The following NPR3 variants were observed in gnomAD, a reference collection of about 807,000 sequenced individuals.
NPR3 encodes atrial natriuretic peptide receptor 3.
NPR3 carries 34 observed loss-of-function variants against 54.5 expected under a neutral mutation model. That is an observed-to-expected ratio of 0.62 (90% CI 0.47 to 0.83). The LOEUF (loss-of-function observed/expected upper bound fraction) is 0.83, where lower values mean the gene tolerates loss of function less well. Ranked by LOEUF, NPR3 falls within the 40% of genes least tolerant of loss-of-function variation. The pLI is 0.00. For missense variants in NPR3, 674 were observed against 720.8 expected (o/e 0.94, Z 0.74); for synonymous variants, 289 against 297.1 (o/e 0.97, Z 0.28).
chr5:32,767,971 C>T (rs1435924960), intron 3 of NPR3, among the ~76,000 whole-genome samples: 1 of 152,172 alleles, frequency 6.6e-6, no homozygotes, highest in Non-Finnish European at 1.5e-5. Flanking sequence ...CTTTCCCTGC[C>T]TCCACCTCCG....
chr5:32,767,621 A>G (rs7730564), intron 3 of NPR3, among the ~76,000 whole-genome samples: 46,965 of 152,014 alleles, frequency 0.31, 7,822 homozygotes, highest in African/African-American at 0.44. Context: ...GGGAAACTCT[A>G]AATTAAGAAT....
At chr5:32,780,393 G>A (rs913899455) in intron 4 of NPR3, among the ~76,000 whole-genome samples, 1 of 152,028 alleles carries the variant, frequency 6.6e-6, no homozygotes, top group Non-Finnish European at 1.5e-5. Context: ...CTAACTCTGC[G>A]ATTAAAAAAA....
intron 2 of NPR3, among the ~76,000 whole-genome samples, chr5:32,729,699 G>A (rs1739358586): frequency 1.3e-5 from 2 of 152,090 alleles, no homozygotes; most frequent in Admixed American, 1.3e-4. Flanking sequence ...ATAGCATGAT[G>A]GTATTTGGGT....
At chr5:32,729,030 GTTTTGT>G (rs1739313842) in intron 2 of NPR3, among the ~76,000 whole-genome samples, 1 of 59,960 alleles carries the variant, frequency 1.7e-5, no homozygotes, top group African/African-American at 7.3e-5. Flanking sequence ...TTTTTTTTTT[GTTTTGT>G]TTTTTTTTTT....
In NPR3 at chr5:32,791,445, G is replaced by A. The variant is rs539085184; in HGVS notation, c.*5100G>A. The stretch of plus-strand genomic sequence containing the variant: ...GTAAAAGCTGCACACGTTACATACT[G>A]TTTATTGTTCTAATGTACAACTAAC... On this transcript the variant is annotated 3_prime_UTR_variant, in exon 8 of 8. Coordinates refer to ENST00000265074, the MANE Select transcript of NPR3 (RefSeq NM_001204375.2). 4 of 167,066 alleles carry A rather than the reference G, an allele frequency of 2.4e-5. No individual in the cohort carries two copies. The highest frequency in any genetic ancestry group is 3.1e-3 in the Middle Eastern group (1 of 318). 10.3% of individuals were successfully genotyped at this position (167,066 alleles called of 1,614,324 possible).
intron 3 of NPR3, among the ~76,000 whole-genome samples, chr5:32,755,387 C>G (rs890852362): frequency 2.0e-5 from 3 of 152,140 alleles, no homozygotes; most frequent in African/African-American, 4.8e-5. Context: ...TTTTTGTTAA[C>G]CACTTGACTC....
chr5:32,741,345 G>A (rs1430243952), intron 3 of NPR3, among the ~76,000 whole-genome samples: 1 of 152,158 alleles, frequency 6.6e-6, no homozygotes, highest in Non-Finnish European at 1.5e-5. Flanking sequence ...CTGAACCCAG[G>A]GAGCTCAAGG....
chr5:32,697,907 C>T (rs996501923), intron 1 of NPR3, among the ~76,000 whole-genome samples: 1 of 151,646 alleles, frequency 6.6e-6, no homozygotes, highest in Non-Finnish European at 1.5e-5. Context: ...AAAGGTTTGT[C>T]GATTTTCTTT....
intron 3 of NPR3, among the ~76,000 whole-genome samples, chr5:32,748,003 C>T (rs1740389653): frequency 6.6e-6 from 1 of 152,176 alleles, no homozygotes; most frequent in South Asian, 2.1e-4. Context: ...ATCCTCCTAC[C>T]TCAGCCTCCC....
intron 3 of NPR3, among the ~76,000 whole-genome samples, chr5:32,756,783 A>G (rs1336860028): frequency 6.6e-6 from 1 of 152,194 alleles, no homozygotes; most frequent in Non-Finnish European, 1.5e-5. Context: ...TTTTTGTATA[A>G]GGTGTAAGGA....
chr5:32,782,125 G>A (rs556760783), intron 5 of NPR3, among the ~76,000 whole-genome samples: 2 of 152,278 alleles, frequency 1.3e-5, no homozygotes, highest in African/African-American at 4.8e-5. Flanking sequence ...AGGGGCCAGA[G>A]GAGCCAATTA....
chr5:32,754,584 G>C (rs1352800286), intron 3 of NPR3, among the ~76,000 whole-genome samples: 1 of 152,138 alleles, frequency 6.6e-6, no homozygotes, highest in Non-Finnish European at 1.5e-5. Context: ...AGCTCAAGCT[G>C]TAGGAAATTA....
chr5:32,725,933 A>G (rs1227031405), intron 2 of NPR3, among the ~76,000 whole-genome samples: 1 of 152,176 alleles, frequency 6.6e-6, no homozygotes, highest in Non-Finnish European at 1.5e-5. Context: ...TTAATTCCCT[A>G]TAATGAATCT....
intron 2 of NPR3, among the ~76,000 whole-genome samples, chr5:32,728,389 G>A (rs1739243233): frequency 6.6e-6 from 1 of 151,822 alleles, no homozygotes; most frequent in African/African-American, 2.4e-5. Flanking sequence ...CTTGAACCTG[G>A]GAGGTGGAGG....
Position 32,712,219 on chromosome 5 carries a change from C to T in NPR3, c.443C>T (p.Ser148Leu). ...GCAGCGCCAGTGGCCCGGCTTGCATCGCACTGGGACCTGCCCATGCTGTCG... is the reference window on the plus strand; with the variant it reads ...GCAGCGCCAGTGGCCCGGCTTGCATTGCACTGGGACCTGCCCATGCTGTCG... The part of the protein sequence containing the change: ...YAAAPVARLA[S>L]HWDLPMLSAG... Residue 148 changes from serine to leucine, a missense_variant, in exon 1 of 8, where the codon TCG becomes TTG. Ser to Leu is a moderately radical substitution (Grantham distance 145). Coordinates refer to ENST00000265074, the MANE Select transcript of NPR3 (RefSeq NM_001204375.2). 1.2e-6 allele frequency: 2 copies of T among 1,612,672 alleles called. No individual in the cohort carries two copies. Among genetic ancestry groups the T allele is most frequent in the Non-Finnish European group, 1.7e-6 (2 of 1,179,588 alleles).
chr5:32,737,717 A>G (rs1176275506), intron 2 of NPR3, among the ~76,000 whole-genome samples: 1 of 152,228 alleles, frequency 6.6e-6, no homozygotes, highest in Non-Finnish European at 1.5e-5. Context: ...TGAAAATAAA[A>G]TAACGAAGAG....
chr5:32,776,156 G>T (rs1005526824), intron 4 of NPR3, among the ~76,000 whole-genome samples: 13 of 152,214 alleles, frequency 8.5e-5, no homozygotes, highest in African/African-American at 2.9e-4. Flanking sequence ...GTATGAAAGG[G>T]GTGATAGTAT....
In NPR3 at chr5:32,789,590, C is replaced by T. The variant is rs766243457; in HGVS notation, c.*3245C>T. ...TTCTCCTTTCTCTTAAATTCAAAGA[C>T]GTTTGCTTTGGAATGCCCTCACTTC... On this transcript the variant is annotated 3_prime_UTR_variant, in exon 8 of 8. Coordinates refer to ENST00000265074, the MANE Select transcript of NPR3 (RefSeq NM_001204375.2). 25 of 534,612 alleles carry T rather than the reference C, an allele frequency of 4.7e-5. No individual in the cohort carries two copies. Among genetic ancestry groups the T allele is most frequent in the Non-Finnish European group, 8.1e-5 (21 of 260,102 alleles). 33.1% of individuals were successfully genotyped at this position (534,612 alleles called of 1,614,324 possible).
At chr5:32,715,965 C>T (rs1363838528) in intron 1 of NPR3, among the ~76,000 whole-genome samples, 3 of 152,132 alleles carry the variant, frequency 2.0e-5, no homozygotes, top group East Asian at 3.9e-4. Flanking sequence ...GGTAAATGAC[C>T]GAGTGGTCAA....
Sources: allele counts gnomAD v4.1 joint callset (sites outside exome capture counted in the v4.1 genomes callset), GRCh38; gene constraint gnomAD v4.1.1; transcripts MANE v1.5; gene names NCBI Gene and HGNC (gene_info 2026-07-23, HGNC 2026-07-21).